PPP1CB: variants seen among roughly 807,000 people sequenced by gnomAD.
PPP1CB encodes protein phosphatase 1 catalytic subunit beta, also known as serine/threonine-protein phosphatase PP1-beta catalytic subunit.
PPP1CB carries 2 observed loss-of-function variants against 43.7 expected under a neutral mutation model. That is an observed-to-expected ratio of 0.05 (90% CI 0.02 to 0.14). The LOEUF (loss-of-function observed/expected upper bound fraction) is 0.14. Among genes scored for constraint, PPP1CB ranks in the 10% least tolerant of loss-of-function variants. PPP1CB has a pLI of 1.00. For missense variants in PPP1CB, 84 were observed against 398.0 expected (o/e 0.21, Z 6.71); for synonymous variants, 136 against 135.6 (o/e 1.00, Z -0.02).
At chr2:28,797,235 T>C (rs912234074) in intron 7 of PPP1CB, among the ~76,000 whole-genome samples, 4 of 152,148 alleles carry the variant, frequency 2.6e-5, no homozygotes, top group Non-Finnish European at 4.4e-5. Flanking sequence ...GTTTTCTTTT[T>C]TCCTTGTGCC....
chr2:28,780,622 A>G (rs2148051307), intron 3 of PPP1CB, among the ~76,000 whole-genome samples: 1 of 152,332 alleles, frequency 6.6e-6, no homozygotes, highest in South Asian at 2.1e-4. Flanking sequence ...ACATCAAATG[A>G]AATAATGTAT....
upstream of PPP1CB, chr2:28,751,704 G>C (rs574399169): frequency 2.1e-4 from 49 of 229,936 alleles, 2 homozygotes; most frequent in East Asian, 7.3e-3. Flanking sequence ...CCCAGGCGTC[G>C]AGGGGAGCCT....
chr2:28,769,865 A>G (rs1321856989), intron 1 of PPP1CB, among the ~76,000 whole-genome samples: 1 of 152,238 alleles, frequency 6.6e-6, no homozygotes, highest in Non-Finnish European at 1.5e-5. Flanking sequence ...GATTACTCCA[A>G]AGAAATGCAG....
At chr2:28,756,034 T>C (rs1025021303) in intron 1 of PPP1CB, among the ~76,000 whole-genome samples, 3 of 152,264 alleles carry the variant, frequency 2.0e-5, no homozygotes, top group Non-Finnish European at 4.4e-5. Flanking sequence ...TAACATACTT[T>C]GTAAAATTCA....
chr2:28,781,488 C>A (rs1667157716), intron 3 of PPP1CB, among the ~76,000 whole-genome samples: 1 of 152,098 alleles, frequency 6.6e-6, no homozygotes, highest in African/African-American at 2.4e-5. Flanking sequence ...AACATCTTCC[C>A]ATCCCACCCC....
chr2:28,798,487 A>G (rs1409740415), intron 7 of PPP1CB, among the ~76,000 whole-genome samples: 2 of 152,108 alleles, frequency 1.3e-5, no homozygotes, highest in Admixed American at 6.6e-5. Context: ...ACATCCATAC[A>G]ATGGACTGTA....
chr2:28,794,315 T>C (rs1322464688), intron 7 of PPP1CB, among the ~76,000 whole-genome samples: 4 of 152,234 alleles, frequency 2.6e-5, no homozygotes, highest in African/African-American at 9.6e-5. Flanking sequence ...ATGAATAGTT[T>C]AGGCTTTTGT....
At chr2:28,763,347 G>A (rs1398045431) in intron 1 of PPP1CB, among the ~76,000 whole-genome samples, 1 of 152,106 alleles carries the variant, frequency 6.6e-6, no homozygotes, top group Non-Finnish European at 1.5e-5. Flanking sequence ...CACAGTGACT[G>A]ACTACCAGTG....
At chr2:28,765,652 C>T (rs551170970) in intron 1 of PPP1CB, among the ~76,000 whole-genome samples, 24 of 152,340 alleles carry the variant, frequency 1.6e-4, no homozygotes, top group Non-Finnish European at 3.2e-4. Context: ...TATGGTGGCT[C>T]GCGCCTTTAA....
At chr2:28,751,808 G>A, upstream of PPP1CB, 1 of 445,990 alleles carries the variant, frequency 2.2e-6, no homozygotes, top group Non-Finnish European at 4.1e-6. Flanking sequence ...GGGTGGGGCC[G>A]TCGGCGGCGC....
At chr2:28,755,042 GT>G (rs905540322) in intron 1 of PPP1CB, among the ~76,000 whole-genome samples, 2 of 151,746 alleles carry the variant, frequency 1.3e-5, no homozygotes, top group African/African-American at 4.8e-5. Flanking sequence ...TTATTGATAA[GT>G]TTTTTTTGTT....
In PPP1CB at chr2:28,802,256, A is replaced by C. The variant is rs1425556833; in HGVS notation, c.*2953A>C. 1 of 152,208 alleles carries C rather than the reference A, an allele frequency of 6.6e-6. No individual in the cohort carries two copies. Among genetic ancestry groups the C allele is most frequent in the Non-Finnish European group, 1.5e-5 (1 of 68,026 alleles). 9.4% of individuals were successfully genotyped at this position (152,208 alleles called of 1,614,324 possible). The stretch of plus-strand genomic sequence containing the variant: ...GAGCTGAAATATATCTCAGTTTATA[A>C]ATTCAGGTATATTCTTTTTGTCTCC... On this transcript the variant is annotated 3_prime_UTR_variant, in exon 8 of 8. Coordinates refer to ENST00000395366, the MANE Select transcript of PPP1CB (RefSeq NM_002709.3).
At chr2:28,769,439 T>C (rs1207338946) in intron 1 of PPP1CB, among the ~76,000 whole-genome samples, 1 of 152,214 alleles carries the variant, frequency 6.6e-6, no homozygotes, top group East Asian at 1.9e-4. Flanking sequence ...TTTCTCCATC[T>C]TGGTCAGGCT....
intron 1 of PPP1CB, among the ~76,000 whole-genome samples, chr2:28,764,146 AAAGC>A (rs999398116): frequency 2.0e-5 from 3 of 152,056 alleles, no homozygotes; most frequent in Non-Finnish European, 4.4e-5. Context: ...AGGGAGAAGA[AAAGC>A]AAGAGAGAAA....
chr2:28,759,520 CAAAAAAAAAAAAA>C (rs559532367), intron 1 of PPP1CB, among the ~76,000 whole-genome samples: 6 of 100,836 alleles, frequency 6.0e-5, no homozygotes, highest in East Asian at 4.8e-4. Context: ...ACTGCATCTC[CAAAAAAAAAAAAA>C]AAAAAAAAAA....
intron 1 of PPP1CB, among the ~76,000 whole-genome samples, 170 bp downstream of exon 1, chr2:28,752,346 G>T (rs962675205): frequency 6.6e-6 from 1 of 152,170 alleles, no homozygotes; most frequent in African/African-American, 2.4e-5. Context: ...CTCTGGGCGC[G>T]GGGGAGCGGC....
chr2:28,752,162 C>G lies in PPP1CB; in HGVS notation c.38C>G (p.Thr13Ser). The G allele has an allele frequency of 6.5e-7, 1 of 1,547,966 alleles. No individual in the cohort carries two copies. Among genetic ancestry groups the G allele is most frequent in the Non-Finnish European group, 8.7e-7 (1 of 1,145,284 alleles). ...DGELNVDSLI[T>S]RLLEVRGCRP... ...GAGCTGAACGTGGACAGCCTCATCA[C>G]CCGGCTGCTGGAGGGTGAGTGCGCG... Residue 13 changes from threonine (T) to serine (S), a missense_variant, in exon 1 of 8, where the codon ACC (threonine) becomes AGC (serine). Physicochemically the swap from Thr to Ser is moderately conservative, Grantham distance 58. Transcript: ENST00000395366.
At chr2:28,758,973 G>C (rs1666554095) in intron 1 of PPP1CB, among the ~76,000 whole-genome samples, 1 of 152,318 alleles carries the variant, frequency 6.6e-6, no homozygotes, top group African/African-American at 2.4e-5. Flanking sequence ...CTAAGTAACA[G>C]AAGTTCCCAT....
intron 1 of PPP1CB, among the ~76,000 whole-genome samples, chr2:28,753,203 A>C (rs1259643225): frequency 8.8e-6 from 1 of 114,044 alleles, no homozygotes; most frequent in African/African-American, 2.7e-5. Context: ...CTTTTTAAAC[A>C]ATTTAGAGGC....
Sources: allele counts gnomAD v4.1 joint callset (sites outside exome capture counted in the v4.1 genomes callset), GRCh38; gene constraint gnomAD v4.1.1; transcripts MANE v1.5; gene names NCBI Gene and HGNC (gene_info 2026-07-23, HGNC 2026-07-21).